The following FSTL1 variants were observed in gnomAD, a reference collection of about 807,000 sequenced individuals.
FSTL1 encodes follistatin like 1.
In FSTL1, 24 loss-of-function variants were observed where a neutral mutation model predicts 45.9. The observed-to-expected ratio is 0.52, with a 90% confidence interval of 0.38 to 0.74. FSTL1 has a LOEUF of 0.74. FSTL1 is among the 30% of genes least tolerant of loss of function. The probability of loss-of-function intolerance (pLI) is 0.00; values close to 1 mark genes in which losing one functional copy is unlikely to be tolerated. For synonymous variants in FSTL1, 120 were observed against 137.6 expected (o/e 0.87, Z 0.89); for missense variants, 340 against 381.8 (o/e 0.89, Z 0.91).
chr3:120,445,524 T>C (rs1193543079), intron 2 of FSTL1, among the ~76,000 whole-genome samples: 3 of 149,318 alleles, frequency 2.0e-5, no homozygotes, highest in African/African-American at 7.8e-5. Context: ...CATGGTAACA[T>C]ACAGGTTCAT....
At chr3:120,415,670 T>C (rs976648568) in intron 3 of FSTL1, 2 of 399,324 alleles carry the variant, frequency 5.0e-6, no homozygotes, top group African/African-American at 4.0e-5. Context: ...TAAATGTCTG[T>C]ACTATTTGAC....
chr3:120,398,372 G>T (rs759518974), intron 10 of FSTL1, among the ~76,000 whole-genome samples: 1 of 152,142 alleles, frequency 6.6e-6, no homozygotes, highest in African/African-American at 2.4e-5. Context: ...CCTACTGCCA[G>T]CACCTGCATC....
intron 7 of FSTL1, among the ~76,000 whole-genome samples, chr3:120,403,643 T>G (rs1198515749): frequency 6.6e-6 from 1 of 152,158 alleles, no homozygotes; most frequent in Non-Finnish European, 1.5e-5. Flanking sequence ...TCTAATGTTT[T>G]CACTGCCTGC....
intron 5 of FSTL1, chr3:120,410,654 T>C (rs2107654588): frequency 5.7e-6 from 3 of 522,396 alleles, no homozygotes; most frequent in South Asian, 4.9e-5. Context: ...GCATGTCTTA[T>C]AGGATGTTGA....
intron 2 of FSTL1, among the ~76,000 whole-genome samples, chr3:120,433,083 G>C (rs1280999607): frequency 6.6e-6 from 1 of 152,202 alleles, no homozygotes; most frequent in African/African-American, 2.4e-5. Flanking sequence ...GGTGACTAGT[G>C]ACTATGGGCA....
chr3:120,420,167 A>G (rs899932389), intron 2 of FSTL1, among the ~76,000 whole-genome samples: 4 of 152,216 alleles, frequency 2.6e-5, no homozygotes, highest in Non-Finnish European at 4.4e-5. Context: ...GTTCTTGCAA[A>G]TAGAAGTGTT....
intron 2 of FSTL1, among the ~76,000 whole-genome samples, chr3:120,416,696 G>C (rs188687117): frequency 6.6e-6 from 1 of 152,294 alleles, no homozygotes; most frequent in African/African-American, 2.4e-5. Flanking sequence ...ACGTGGATTC[G>C]CTATTTTTGC....
At chr3:120,427,315 A>T (rs1937399696) in intron 2 of FSTL1, among the ~76,000 whole-genome samples, 1 of 152,180 alleles carries the variant, frequency 6.6e-6, no homozygotes, top group Non-Finnish European at 1.5e-5. Context: ...ATTTTTTTAA[A>T]AACAGAACTG....
rs929806392 is a variant in FSTL1 at position 120,393,088 on chromosome 3, G to C, written c.*3864C>G. 1 of 152,152 alleles carries C rather than the reference G, an allele frequency of 6.6e-6. No individual in the cohort carries two copies. The highest frequency in any genetic ancestry group is 1.5e-5 in the Non-Finnish European group (1 of 68,028). The allele number at this position is 152,152 out of a possible 1,614,324, so 9.4% of individuals were successfully genotyped here. Reference sequence around the variant, plus strand: ...TAGCCAAAATTTAAAAGTGGTTGTGGACAAGGTACCCTTCAAACTGGGTTT... The same window carrying C: ...TAGCCAAAATTTAAAAGTGGTTGTGCACAAGGTACCCTTCAAACTGGGTTT... On this transcript the variant is annotated 3_prime_UTR_variant, in exon 11 of 11. Coordinates refer to ENST00000295633, the MANE Select transcript of FSTL1 (RefSeq NM_007085.5).
At chr3:120,445,889 T>A (rs1937728245) in intron 2 of FSTL1, among the ~76,000 whole-genome samples, 1 of 149,780 alleles carries the variant, frequency 6.7e-6, no homozygotes, top group African/African-American at 2.6e-5. Context: ...ATGAGGACAG[T>A]GAAGGGAAGG....
intron 2 of FSTL1, among the ~76,000 whole-genome samples, chr3:120,436,484 T>C (rs1377731222): frequency 6.6e-6 from 1 of 152,214 alleles, no homozygotes; most frequent in Non-Finnish European, 1.5e-5. Flanking sequence ...AAGCCCTTGG[T>C]GCCACACAGA....
chr3:120,402,843 C>T lies in FSTL1; in HGVS notation c.770G>A (p.Cys257Tyr). The change falls in exon 9 of 11, where the codon TGT (cysteine) becomes TAT (tyrosine). Residue 257 changes from cysteine to tyrosine, a missense_variant. Cys to Tyr is a radical substitution (Grantham distance 194). Coordinates refer to ENST00000295633, the MANE Select transcript of FSTL1 (RefSeq NM_007085.5). ...CATGGCTGTACAGACCCAATTTCCA[C>T]AGGCACAGACACAGCGGTTACAGTC... is the stretch of plus-strand genomic sequence containing the variant. ...EVDCNRCVCA[C>Y]GNWVCTAMTC... The T allele has an allele frequency of 6.2e-7, 1 of 1,612,758 alleles. No individual in the cohort carries two copies. Among genetic ancestry groups the T allele is most frequent in the Non-Finnish European group, 8.5e-7 (1 of 1,178,764 alleles).
chr3:120,447,819 T>A (rs1314984402), intron 2 of FSTL1, among the ~76,000 whole-genome samples: 3 of 152,106 alleles, frequency 2.0e-5, no homozygotes, highest in Admixed American at 6.5e-5. Flanking sequence ...CCCAGGTAAT[T>A]TTCTTATTTT....
Position 120,440,270 on chromosome 3 carries a change from A to G in FSTL1, c.63+10414T>C, listed in dbSNP as rs146704936. Among the ~76,000 whole-genome samples the G allele has an allele frequency of 5.4e-3, 822 of 152,262 alleles. 10 individuals are homozygous for G. Among genetic ancestry groups the G allele is most frequent in the African/African-American group, 0.018 (751 of 41,556 alleles). On this transcript the variant is annotated intron_variant, in intron 2 of 10. Coordinates refer to ENST00000295633, the MANE Select transcript of FSTL1 (RefSeq NM_007085.5). ...AATGGAGGTCATGCCTGCCATGTCT[A>G]TGTGGCCAGAATGGCCAAGTCTGAA... is the stretch of plus-strand genomic sequence containing the variant.
intron 10 of FSTL1, among the ~76,000 whole-genome samples, chr3:120,398,991 C>T (rs983568148): frequency 1.3e-5 from 2 of 152,146 alleles, no homozygotes; most frequent in Non-Finnish European, 2.9e-5. Flanking sequence ...ACAAAATGCA[C>T]ATTAAGAATG....
Position 120,424,571 on chromosome 3 carries a change from G to C in FSTL1, c.64-8544C>G, listed in dbSNP as rs1457223881. On this transcript the variant is annotated intron_variant, in intron 2 of 10. Coordinates refer to ENST00000295633, the MANE Select transcript of FSTL1 (RefSeq NM_007085.5). ...GAACAGTGGCACATGGCAAGAAATG[G>C]GTAAGGCGGAATTGGGGGCAGGCAG... Among the ~76,000 whole-genome samples the C allele has an allele frequency of 2.6e-5, 4 of 152,118 alleles. No individual in the cohort carries two copies. The South Asian group carries it at 6.2e-4, about 24-fold the overall frequency.
chr3:120,434,083 G>C (rs1055831670), intron 2 of FSTL1, among the ~76,000 whole-genome samples: 1 of 152,170 alleles, frequency 6.6e-6, no homozygotes. Flanking sequence ...GGTCGCAGGA[G>C]AGAGAAAGCG....
At chr3:120,438,668 A>G (rs1937595936) in intron 2 of FSTL1, among the ~76,000 whole-genome samples, 1 of 152,194 alleles carries the variant, frequency 6.6e-6, no homozygotes. Context: ...ATAGGACTTC[A>G]AAGCTGCATT....
rs1188101767 is a variant in FSTL1 at position 120,402,994 on chromosome 3, C to T, written c.695-76G>A. 4 of 982,202 alleles carry T rather than the reference C, an allele frequency of 4.1e-6. No individual in the cohort carries two copies. In the African/African-American group the frequency reaches 4.8e-5, roughly 12 times the overall value. 60.8% of individuals were successfully genotyped at this position (982,202 alleles called of 1,614,324 possible). A position where few individuals can be genotyped will look rare whatever the true frequency, so the allele number is the denominator to read the frequency against. On this transcript the variant is annotated intron_variant, in intron 8 of 10. Transcript: ENST00000295633. ...GGCATCTTTGCTACAGTCTGTGCAC[C>T]TTACCCTTTTTTCCCAGACAAGACC...
Sources: allele counts gnomAD v4.1 joint callset (sites outside exome capture counted in the v4.1 genomes callset), GRCh38; gene constraint gnomAD v4.1.1; transcripts MANE v1.5; gene names NCBI Gene and HGNC (gene_info 2026-07-23, HGNC 2026-07-21).